The following MLIP variants were observed in gnomAD, a reference collection of about 807,000 sequenced individuals.
The protein encoded by MLIP is muscular LMNA-interacting protein.
A neutral mutation model predicts 84.8 loss-of-function variants in MLIP; 79 were observed. The observed-to-expected ratio is 0.93, with a 90% confidence interval of 0.78 to 1.12. The LOEUF is 1.12. Ranked by LOEUF, MLIP falls within the 50% of genes most tolerant of loss-of-function variation. The pLI is 0.00. For synonymous variants in MLIP, 504 were observed against 463.0 expected (o/e 1.09, Z -1.14); for missense variants, 1,257 against 1,160.6 (o/e 1.08, Z -1.21).
intron 8 of MLIP, among the ~76,000 whole-genome samples, chr6:54,162,950 AT>A (rs1022965197): frequency 3.3e-5 from 5 of 151,984 alleles, no homozygotes; most frequent in Non-Finnish European, 5.9e-5. Flanking sequence ...AATCAGAGCA[AT>A]GTGATATCAT....
rs1050728552 is a variant in MLIP, at chr6:54,216,984, G to C, written c.2719-13730G>C. 7.1e-6 allele frequency: 7 copies of C among 985,334 alleles called. No homozygotes were observed. In the African/African-American group the frequency reaches 1.2e-4, roughly 17 times the overall value. The allele number at this position is 985,334 out of a possible 1,614,324, so 61.0% of individuals were successfully genotyped here. On this transcript the variant is annotated intron_variant, in intron 11 of 13. Coordinates refer to ENST00000502396, the MANE Select transcript of MLIP (RefSeq NM_001281747.2). The stretch of plus-strand genomic sequence containing the variant: ...CAAGGTGTTGATTTAAATTAAAACT[G>C]TAGCAAAAATGCTATGGCTCTGATT...
In MLIP at chr6:54,160,379, C is replaced by G. The variant is rs754517937; in HGVS notation, c.2302C>G (p.Pro768Ala). The G allele has an allele frequency of 4.3e-6, 7 of 1,612,128 alleles. No individual in the cohort carries two copies. Among genetic ancestry groups the G allele is most frequent in the Non-Finnish European group, 5.1e-6 (6 of 1,178,928 alleles). The change falls in exon 6 of 14, where the codon CCA becomes GCA. Residue 768 changes from proline to alanine, a missense_variant. Pro to Ala is a conservative substitution (Grantham distance 27). Coordinates refer to ENST00000502396, the MANE Select transcript of MLIP (RefSeq NM_001281747.2). Reference protein sequence around the residue: ...LLLEQKALDEPAKTESVSKDN... With the variant: ...LLLEQKALDEAAKTESVSKDN... The stretch of plus-strand genomic sequence containing the variant: ...CATTTGTCACTAGGCACTAGATGAA[C>G]CAGCCAAGACTGAAAGTGTCTCCAA...
intron 1 of MLIP, among the ~76,000 whole-genome samples, chr6:54,020,221 G>T (rs941326084): frequency 1.3e-5 from 2 of 152,196 alleles, no homozygotes; most frequent in Non-Finnish European, 2.9e-5. Flanking sequence ...GTTAATTCAT[G>T]TGTAAGATAG....
chr6:54,212,276 C>A (rs1247220116), intron 11 of MLIP, among the ~76,000 whole-genome samples: 3 of 152,200 alleles, frequency 2.0e-5, no homozygotes, highest in South Asian at 4.2e-4. Flanking sequence ...GATATTGGAT[C>A]TTATTGTCTT....
At position 54,249,166 on chromosome 6, in the gene MLIP, T is replaced by G. The variant is rs140698827; in HGVS notation, c.2923-8142T>G. 1.4e-3 allele frequency among the ~76,000 whole-genome samples: 206 copies of G among 152,140 alleles called. 1 individual carries two copies. Among genetic ancestry groups the G allele is most frequent in the African/African-American group, 4.5e-3 (186 of 41,528 alleles). The stretch of plus-strand genomic sequence containing the variant: ...GTTATCAATCAATAGATTTTTTTGC[T>G]TAAGCATCATGGAACCAATGAATTA... On this transcript the variant is annotated intron_variant, in intron 12 of 13. Transcript: ENST00000502396.
intron 11 of MLIP, among the ~76,000 whole-genome samples, chr6:54,222,974 AC>A (rs1462728940): frequency 2.0e-5 from 3 of 151,846 alleles, no homozygotes; most frequent in Non-Finnish European, 4.4e-5. Context: ...GATGTTGAGC[AC>A]CCTTTCATAT....
intron 9 of MLIP, among the ~76,000 whole-genome samples, chr6:54,177,868 A>G (rs1210851736): frequency 6.6e-6 from 1 of 152,212 alleles, no homozygotes; most frequent in Non-Finnish European, 1.5e-5. Context: ...GTAGCCATAT[A>G]AAGGAAAAAG....
intron 9 of MLIP, among the ~76,000 whole-genome samples, chr6:54,171,963 AGTGC>A (rs1471528717): frequency 6.6e-6 from 1 of 151,604 alleles, no homozygotes; most frequent in African/African-American, 2.4e-5. Flanking sequence ...GCTGGGATTC[AGTGC>A]GTCATTGACT....
At chr6:54,109,650 G>A (rs1769274282), upstream of MLIP, among the ~76,000 whole-genome samples, 1 of 151,960 alleles carries the variant, frequency 6.6e-6, no homozygotes, top group African/African-American at 2.4e-5. Context: ...CCACCATCTT[G>A]AATTACTGCC....
chr6:54,133,330 G>A (rs1205558218), intron 3 of MLIP, among the ~76,000 whole-genome samples: 1 of 152,174 alleles, frequency 6.6e-6, no homozygotes, highest in Non-Finnish European at 1.5e-5. Flanking sequence ...AATCTTCCCT[G>A]TAGCATTACA....
intron 4 of MLIP, among the ~76,000 whole-genome samples, chr6:54,139,559 G>A (rs1021655095): frequency 1.3e-5 from 2 of 152,128 alleles, no homozygotes; most frequent in Non-Finnish European, 2.9e-5. Flanking sequence ...AATATCAAAT[G>A]CTTTCTGTGA....
chr6:54,023,317 C>CT (rs1217295405), intron 1 of MLIP, among the ~76,000 whole-genome samples: 1 of 151,770 alleles, frequency 6.6e-6, no homozygotes, highest in South Asian at 2.1e-4. Context: ...AAAAGCAACT[C>CT]TTTGAGATTG....
intron 1 of MLIP, among the ~76,000 whole-genome samples, chr6:54,034,261 C>G (rs1764301230): frequency 6.6e-6 from 1 of 152,124 alleles, no homozygotes; most frequent in Non-Finnish European, 1.5e-5. Context: ...ACATGAAACC[C>G]CTGATAATCA....
chr6:54,086,021 A>G (rs1582104536), intron 1 of MLIP, among the ~76,000 whole-genome samples: 2 of 152,142 alleles, frequency 1.3e-5, no homozygotes, highest in Admixed American at 1.3e-4. Context: ...CTGAATTTCC[A>G]CTGCTCAGAT....
At chr6:54,115,182 T>G (rs1416106644) in intron 1 of MLIP, among the ~76,000 whole-genome samples, 1 of 151,996 alleles carries the variant, frequency 6.6e-6, no homozygotes, top group Non-Finnish European at 1.5e-5. Flanking sequence ...GTAGGTGTGG[T>G]TGTGTGGTTT....
intron 1 of MLIP, among the ~76,000 whole-genome samples, chr6:54,024,635 A>G (rs1763695572): frequency 1.3e-5 from 2 of 152,194 alleles, no homozygotes; most frequent in South Asian, 2.1e-4. Flanking sequence ...GGCAATTATT[A>G]CGCTTTGATT....
intron 9 of MLIP, among the ~76,000 whole-genome samples, chr6:54,175,630 G>T (rs1357811048): frequency 5.9e-5 from 9 of 151,966 alleles, no homozygotes; most frequent in Non-Finnish European, 1.2e-4. Flanking sequence ...TCATTGTTCA[G>T]TTCTAATAGT....
At chr6:54,081,992 C>T (rs897077024) in intron 1 of MLIP, among the ~76,000 whole-genome samples, 1 of 151,980 alleles carries the variant, frequency 6.6e-6, no homozygotes, top group African/African-American at 2.4e-5. Flanking sequence ...CCCAACTTTG[C>T]CTAGTGTTTA....
At position 54,136,722 on chromosome 6, in the gene MLIP, C is replaced by A. The variant is rs956922084; in HGVS notation, c.653C>A (p.Ser218Tyr). The A allele has an allele frequency of 1.4e-6, 2 of 1,478,152 alleles. No individual in the cohort carries two copies. The highest frequency in any genetic ancestry group is 1.8e-6 in the Non-Finnish European group (2 of 1,113,340). The allele number at this position is 1,478,152 out of a possible 1,614,324, so 91.6% of individuals were successfully genotyped here. A position where few individuals can be genotyped will look rare whatever the true frequency, so the allele number is the denominator to read the frequency against. Residue 218 changes from serine (S) to tyrosine (Y), a missense_variant, in exon 4 of 14, where the codon TCT becomes TAT. Ser to Tyr is a moderately radical substitution (Grantham distance 144). Coordinates refer to ENST00000502396, the MANE Select transcript of MLIP (RefSeq NM_001281747.2). ...APQQKHGQLTSSPTTSEQLAC... is the reference protein window; with the variant it reads ...APQQKHGQLTYSPTTSEQLAC... ...TATTTCTCTTTCCTCTAGTTAACTT[C>A]TTCTCCCACTACCTCTGAGCAGCTT...
Sources: allele counts gnomAD v4.1 joint callset (sites outside exome capture counted in the v4.1 genomes callset), GRCh38; gene constraint gnomAD v4.1.1; transcripts MANE v1.5; gene names NCBI Gene and HGNC (gene_info 2026-07-23, HGNC 2026-07-21).